The following ALMS1 variants were observed in gnomAD, a reference collection of about 807,000 sequenced individuals.
ALMS1 encodes ALMS1 centrosome and basal body associated protein.
Under a neutral mutation model 352.2 loss-of-function variants are expected in ALMS1, and 271 were observed. The observed-to-expected ratio is 0.77, with a 90% CI of 0.70 to 0.85. ALMS1 has a LOEUF of 0.85. Ranked by LOEUF, ALMS1 falls within the 40% of genes least tolerant of loss-of-function variation. ALMS1 has a pLI of 0.00. For synonymous variants in ALMS1, 1,865 were observed against 1,761.2 expected (o/e 1.06, Z -1.48); for missense variants, 5,445 against 4,870.7 (o/e 1.12, Z -3.51).
intron 21 of ALMS1, 102 bp downstream of exon 21, chr2:73,603,406 T>C: frequency 9.6e-7 from 1 of 1,043,558 alleles, no homozygotes. Flanking sequence ...ATACTCAAGT[T>C]TAAACATTAT....
At chr2:73,480,868 T>C (rs1246092) in intron 9 of ALMS1, among the ~76,000 whole-genome samples, 79,920 of 145,472 alleles carry the variant, frequency 0.55, 22,921 homozygotes, top group East Asian at 0.75. Context: ...TCTGCATAAA[T>C]GTCTTCTTTT....
rs61108988 is a variant in ALMS1 at position 73,412,239 on chromosome 2, C to G, written c.450+3492C>G. ...CGTCACAAAAAGTTCCTGTGTGCCC[C>G]TTTGTAGTCAGTCACTTCCCCAACT... On this transcript the variant is annotated intron_variant, in intron 2 of 22. Coordinates refer to ENST00000613296, the MANE Select transcript of ALMS1 (RefSeq NM_001378454.1). Among the ~76,000 whole-genome samples, 1,265 of 152,294 alleles carry G rather than the reference C, an allele frequency of 8.3e-3. 15 individuals carry two copies. The highest frequency in any genetic ancestry group is 0.029 in the African/African-American group (1,212 of 41,548).
At chr2:73,489,121 A>G (rs1044493499) in intron 9 of ALMS1, among the ~76,000 whole-genome samples, 2 of 152,216 alleles carry the variant, frequency 1.3e-5, no homozygotes, top group African/African-American at 2.4e-5. Context: ...TCAGGAGGCA[A>G]GAAAAATAGT....
chr2:73,463,197 G>A (rs927758031), intron 9 of ALMS1, among the ~76,000 whole-genome samples: 49 of 152,128 alleles, frequency 3.2e-4, no homozygotes, highest in Middle Eastern at 3.2e-3. Flanking sequence ...AACTGACCAC[G>A]TAGTTGGAAG....
chr2:73,578,719 T>C (rs1675105928), intron 16 of ALMS1, among the ~76,000 whole-genome samples: 1 of 152,202 alleles, frequency 6.6e-6, no homozygotes, highest in African/African-American at 2.4e-5. Context: ...TCCTCTTTAA[T>C]TGTTATAGTC....
At chr2:73,515,952 G>A (rs1673546574) in intron 10 of ALMS1, among the ~76,000 whole-genome samples, 1 of 152,070 alleles carries the variant, frequency 6.6e-6, no homozygotes, top group Admixed American at 6.6e-5. Context: ...TTCTGAAATT[G>A]AGTCAGTAAT....
At position 73,426,685 on chromosome 2, in the gene ALMS1, A is replaced by T. The variant is rs551416635; in HGVS notation, c.1338+132A>T. 7.5e-4 allele frequency: 666 copies of T among 882,356 alleles called. 3 individuals carry two copies. The highest frequency in any genetic ancestry group is 7.9e-4 in the Non-Finnish European group (438 of 551,270). The allele number at this position is 882,356 out of a possible 1,614,324, so 54.7% of individuals were successfully genotyped here. A position where few individuals can be genotyped will look rare whatever the true frequency, so the allele number is the denominator to read the frequency against. ...CATGACCAATGTCATTTGACTGGTG[A>T]GTACATTGAGCTAGCAGCTTTAGAG... On this transcript the variant is annotated intron_variant, in intron 6 of 22. Transcript: ENST00000613296.
chr2:73,421,470 G>C (rs1187823139), intron 3 of ALMS1, among the ~76,000 whole-genome samples: 1 of 152,144 alleles, frequency 6.6e-6, no homozygotes. Context: ...GTTTAAGACT[G>C]CTTCTCTGTG....
intron 11 of ALMS1, among the ~76,000 whole-genome samples, chr2:73,529,827 A>C (rs182719175): frequency 2.5e-3 from 378 of 152,306 alleles, no homozygotes; most frequent in African/African-American, 8.6e-3. Context: ...TCATGGCAGA[A>C]GGTGAAGGGA....
chr2:73,416,783 TAAAG>T (rs1671188728), intron 2 of ALMS1, among the ~76,000 whole-genome samples: 1 of 78,316 alleles, frequency 1.3e-5, no homozygotes, highest in Non-Finnish European at 2.6e-5. Flanking sequence ...TTTAAATAAA[TAAAG>T]CAAATTGAAT....
rs756796770 is a variant in ALMS1 at position 73,451,611 on chromosome 2, C to T, written c.5084C>T (p.Pro1695Leu). Residue 1695 changes from proline (P) to leucine (L), a missense_variant, in exon 8 of 23, where the codon CCT (proline) becomes CTT (leucine). By Grantham distance (98) the Pro-to-Leu change is moderately conservative. Coordinates refer to ENST00000613296, the MANE Select transcript of ALMS1 (RefSeq NM_001378454.1). ...PEEALKVPPV[P>L]GPDAQKTETP... The stretch of plus-strand genomic sequence containing the variant: ...GAAGCTCTGAAAGTTCCACCTGTTC[C>T]TGGACCAGATGCCCAGAAGACTGAG... The T allele has an allele frequency of 8.1e-6, 13 of 1,613,978 alleles. No individual in the cohort carries two copies. Among genetic ancestry groups the T allele is most frequent in the Non-Finnish European group, 1.1e-5 (13 of 1,180,004 alleles).
chr2:73,458,370 C>A (rs1035185243), intron 9 of ALMS1: 1 of 152,132 alleles, frequency 6.6e-6, no homozygotes, highest in African/African-American at 2.4e-5. Flanking sequence ...CACTACCCTA[C>A]TGTTGGACAT....
At position 73,601,161 on chromosome 2, in the gene ALMS1, A is replaced by AAT. The variant is rs750996511; in HGVS notation, c.11873-33_11873-32dup. The AAT allele has an allele frequency of 2.0e-5, 33 of 1,613,620 alleles. No homozygotes were observed. The South Asian group carries it at 3.5e-4, about 17-fold the overall frequency. ...TGGGTGGGGCTGTAAAAAAGTGAAA[A>AAT]ATCTGTGTTCCTTCTAAAAACTGTT... On this transcript the variant is annotated intron_variant, in intron 18 of 22. Transcript: ENST00000613296.
At chr2:73,565,778 T>G (rs186305183) in intron 15 of ALMS1, among the ~76,000 whole-genome samples, 56 of 152,290 alleles carry the variant, frequency 3.7e-4, no homozygotes, top group African/African-American at 1.3e-3. Flanking sequence ...AACCCCAGTC[T>G]AATGAGAAAA....
chr2:73,404,892 C>A (rs965162111), intron 1 of ALMS1, among the ~76,000 whole-genome samples: 1 of 114,900 alleles, frequency 8.7e-6, no homozygotes, highest in Non-Finnish European at 1.7e-5. Flanking sequence ...GCTTTCTTGT[C>A]CTGGACCTTT....
chr2:73,488,429 G>C (rs1360320694), intron 9 of ALMS1, among the ~76,000 whole-genome samples: 1 of 152,234 alleles, frequency 6.6e-6, no homozygotes, highest in East Asian at 1.9e-4. Context: ...AGTGGGAGCA[G>C]GCACTTCTGA....
rs1267229357 is a variant in ALMS1, at chr2:73,449,591, G to A, written c.3064G>A (p.Ala1022Thr). 1 of 1,613,786 alleles carries A rather than the reference G, an allele frequency of 6.2e-7. No individual in the cohort carries two copies. Among genetic ancestry groups the A allele is most frequent in the East Asian group, 2.2e-5 (1 of 44,878 alleles). ...TCAACAGGAGTGGCCAGATAGTTAT[G>A]CAACTGAAAAGGCTCTGAAAGTTTC... is the stretch of plus-strand genomic sequence containing the variant. The part of the protein sequence containing the change: ...FYQQEWPDSY[A>T]TEKALKVSTG... Residue 1022 changes from alanine to threonine, a missense_variant, in exon 8 of 23, where the codon GCA becomes ACA. By Grantham distance (58) the Ala-to-Thr change is moderately conservative. Transcript: ENST00000613296.
intron 10 of ALMS1, among the ~76,000 whole-genome samples, chr2:73,491,759 G>T (rs1463928371): frequency 2.0e-5 from 3 of 152,172 alleles, no homozygotes; most frequent in African/African-American, 7.2e-5. Context: ...ACCTTGAAAA[G>T]AATCTTTGAT....
In ALMS1 at chr2:73,491,454, C is replaced by T. The variant is rs45607436; in HGVS notation, c.9495C>T (p.Phe3165=). 3.9e-5 allele frequency: 63 copies of T among 1,614,050 alleles called. 1 individual carries two copies. In the Middle Eastern group the frequency reaches 6.6e-4, roughly 17 times the overall value. Residue 3165 remains phenylalanine, a synonymous_variant, in exon 10 of 23, where the codon TTC becomes TTT. Coordinates refer to ENST00000613296, the MANE Select transcript of ALMS1 (RefSeq NM_001378454.1). ...AAATACAAGTGAACATTTCAGATTT[C>T]GAAGGACATTCCAATCCAGAGGGGA... The part of the protein sequence containing the change: ...SRQIQVNISD[F]EGHSNPEGTP...
Sources: gnomAD v4.1 joint callset for allele counts (sites outside exome capture counted in the v4.1 genomes callset) on GRCh38, gnomAD v4.1.1 for gene constraint, MANE v1.5 for transcripts, NCBI Gene and HGNC (gene_info 2026-07-23, HGNC 2026-07-21) for gene names.